RANBP17: variants seen among roughly 807,000 people sequenced by gnomAD.
RANBP17 encodes the protein RAN binding protein 17, also known as ran-binding protein 17.
A neutral mutation model predicts 141.2 loss-of-function variants in RANBP17; 158 were observed. That is an observed-to-expected ratio of 1.12 (90% confidence interval 0.98 to 1.28). RANBP17 has a LOEUF of 1.28. Among genes scored for constraint, RANBP17 ranks in the 50% most tolerant of loss-of-function variants. RANBP17 has a pLI of 0.00. For missense variants in RANBP17, 1,438 were observed against 1,290.7 expected (o/e 1.11, Z -1.75); for synonymous variants, 430 against 450.0 (o/e 0.96, Z 0.56).
At chr5:171,288,355 T>A (rs1768291437) in intron 25 of RANBP17, among the ~76,000 whole-genome samples, 1 of 152,190 alleles carries the variant, frequency 6.6e-6, no homozygotes, top group Admixed American at 6.5e-5. Context: ...CCTAAGAGAT[T>A]CACTGAAGGT....
chr5:171,166,903 G>A (rs1759738911), intron 14 of RANBP17, among the ~76,000 whole-genome samples: 1 of 152,198 alleles, frequency 6.6e-6, no homozygotes, highest in East Asian at 1.9e-4. Flanking sequence ...GATCAGATAA[G>A]TGGATTTAAG....
intron 12 of RANBP17, among the ~76,000 whole-genome samples, chr5:170,951,606 C>T (rs1775219687): frequency 6.6e-6 from 1 of 151,992 alleles, no homozygotes; most frequent in African/African-American, 2.4e-5. Flanking sequence ...GGGTAGGATG[C>T]AGAATGACAG....
chr5:171,138,202 C>T (rs1010998889), intron 14 of RANBP17, among the ~76,000 whole-genome samples: 3 of 152,238 alleles, frequency 2.0e-5, no homozygotes, highest in Non-Finnish European at 4.4e-5. Context: ...ACTTTCACCT[C>T]TGAAACAACA....
chr5:171,212,644 A>C (rs796555292), intron 20 of RANBP17, among the ~76,000 whole-genome samples: 1 of 152,214 alleles, frequency 6.6e-6, no homozygotes, highest in African/African-American at 2.4e-5. Context: ...GGAGATTTCT[A>C]CCCGGACCAC....
At position 170,895,039 on chromosome 5, in the gene RANBP17, T is replaced by G. The variant is rs554384937; in HGVS notation, c.424-1011T>G. Among the ~76,000 whole-genome samples the G allele has an allele frequency of 1.1e-4, 16 of 152,324 alleles. No individual in the cohort carries two copies. The East Asian group carries it at 3.1e-3, about 29-fold the overall frequency. On this transcript the variant is annotated intron_variant, in intron 4 of 27. Coordinates refer to ENST00000523189, the MANE Select transcript of RANBP17 (RefSeq NM_022897.5). ...AGCAATTGGTCAGGGTACCACACTT[T>G]GGGGAACATTAACCTGGTGTACACA...
chr5:171,123,535 T>C (rs1256660691), intron 14 of RANBP17, among the ~76,000 whole-genome samples: 1 of 152,218 alleles, frequency 6.6e-6, no homozygotes, highest in Non-Finnish European at 1.5e-5. Flanking sequence ...CCCACCCCAC[T>C]GCCACTGCCA....
In RANBP17 at chr5:171,073,691, C is replaced by T. The variant is rs191401009; in HGVS notation, c.1711-96439C>T. Among the ~76,000 whole-genome samples, 292 of 152,214 alleles carry T rather than the reference C, an allele frequency of 1.9e-3. 4 individuals are homozygous for T. Among genetic ancestry groups the T allele is most frequent in the Admixed American group, 0.017 (257 of 15,294 alleles). ...CCCCGGTAGCTACAGACTCATTCAG[C>T]GTCTACCCTAATCTTGGTTTCTGCA... On this transcript the variant is annotated intron_variant, in intron 14 of 27. Coordinates refer to ENST00000523189, the MANE Select transcript of RANBP17 (RefSeq NM_022897.5).
At chr5:170,862,830 C>G (rs544000697) in intron 1 of RANBP17, among the ~76,000 whole-genome samples, 52 of 152,322 alleles carry the variant, frequency 3.4e-4, no homozygotes, top group Admixed American at 1.2e-3. Flanking sequence ...TAAAGGATGA[C>G]ATCTTACTAT....
Position 171,151,722 on chromosome 5 carries a change from A to C in RANBP17, c.1711-18408A>C, listed in dbSNP as rs375159903. On this transcript the variant is annotated intron_variant, in intron 14 of 27. Transcript: ENST00000523189. ...GGCATTCTTATATAATTAACCTAGCAGTGGTAATCGCCTCCTTCAAGTTCC... is the reference window on the plus strand; with the variant it reads ...GGCATTCTTATATAATTAACCTAGCCGTGGTAATCGCCTCCTTCAAGTTCC... 1.6e-4 allele frequency among the ~76,000 whole-genome samples: 24 copies of C among 152,306 alleles called. 1 individual carries two copies. In the East Asian group the frequency reaches 2.7e-3, roughly 17 times the overall value.
chr5:171,068,337 C>G (rs897329447), intron 14 of RANBP17, among the ~76,000 whole-genome samples: 1 of 152,068 alleles, frequency 6.6e-6, no homozygotes, highest in African/African-American at 2.4e-5. Context: ...CTGTTCCATG[C>G]TTTTCTTTAG....
chr5:171,259,605 G>A lies in RANBP17; in HGVS notation c.2777-6076G>A, dbSNP rs185493647. Among the ~76,000 whole-genome samples, 202 of 152,302 alleles carry A rather than the reference G, an allele frequency of 1.3e-3. 8 individuals carry two copies. The South Asian group carries it at 0.037, about 28-fold the overall frequency. The stretch of plus-strand genomic sequence containing the variant: ...GAACTGGAGAAGTGAAATAAACCAG[G>A]CAAAGAAAGACAGATACCACATGTT... On this transcript the variant is annotated intron_variant, in intron 24 of 27. Transcript: ENST00000523189.
intron 24 of RANBP17, among the ~76,000 whole-genome samples, chr5:171,262,276 A>C (rs1766383632): frequency 6.6e-6 from 1 of 152,326 alleles, no homozygotes; most frequent in African/African-American, 2.4e-5. Flanking sequence ...GAAATGTAGA[A>C]ATATGAAGGA....
chr5:171,262,229 G>A (rs1201334396), intron 24 of RANBP17, among the ~76,000 whole-genome samples: 2 of 152,136 alleles, frequency 1.3e-5, no homozygotes, highest in Non-Finnish European at 2.9e-5. Flanking sequence ...TGTAGATGTC[G>A]AGTTACATAA....
intron 24 of RANBP17, among the ~76,000 whole-genome samples, chr5:171,261,276 A>G (rs1291907177): frequency 6.6e-6 from 1 of 152,070 alleles, no homozygotes; most frequent in Non-Finnish European, 1.5e-5. Flanking sequence ...TATTAATCAC[A>G]TTTTACAGAG....
intron 14 of RANBP17, among the ~76,000 whole-genome samples, chr5:171,005,343 G>A (rs926250899): frequency 6.6e-6 from 1 of 152,060 alleles, no homozygotes; most frequent in Non-Finnish European, 1.5e-5. Flanking sequence ...ACTTCAAACT[G>A]TACTACAAGG....
chr5:171,012,677 T>G (rs1427080792), intron 14 of RANBP17, among the ~76,000 whole-genome samples: 4 of 152,212 alleles, frequency 2.6e-5, no homozygotes, highest in Non-Finnish European at 5.9e-5. Flanking sequence ...ATAACAGTAT[T>G]ATTTCTTGTT....
chr5:170,903,375 G>T (rs1301007766), intron 5 of RANBP17, among the ~76,000 whole-genome samples: 1 of 152,214 alleles, frequency 6.6e-6, no homozygotes, highest in East Asian at 1.9e-4. Context: ...AGACTGCTGT[G>T]CTGGCAGCAA....
At chr5:171,044,281 T>G (rs564587606) in intron 14 of RANBP17, among the ~76,000 whole-genome samples, 58 of 152,012 alleles carry the variant, frequency 3.8e-4, no homozygotes, top group Non-Finnish European at 7.2e-4. Flanking sequence ...TTGTATTGTT[T>G]ATGAGTACAA....
intron 14 of RANBP17, among the ~76,000 whole-genome samples, chr5:171,104,184 T>A (rs1787383816): frequency 6.6e-6 from 1 of 152,122 alleles, no homozygotes; most frequent in African/African-American, 2.4e-5. Flanking sequence ...GTTACAGGCA[T>A]GCACCACCAG....
Sources: allele counts gnomAD v4.1 joint callset (sites outside exome capture counted in the v4.1 genomes callset), GRCh38; gene constraint gnomAD v4.1.1; transcripts MANE v1.5; gene names NCBI Gene and HGNC (gene_info 2026-07-23, HGNC 2026-07-21).